The following OTUD7B variants were observed in gnomAD, a reference collection of about 807,000 sequenced individuals.
The protein encoded by OTUD7B is OTU domain-containing protein 7B.
A neutral mutation model predicts 82.2 loss-of-function variants in OTUD7B; 34 were observed. The observed-to-expected ratio is 0.41, with a 90% CI of 0.31 to 0.55. OTUD7B has a LOEUF of 0.55. Among genes scored for constraint, OTUD7B ranks in the 20% least tolerant of loss-of-function variants. The pLI is 0.20. For missense variants in OTUD7B, 944 were observed against 1,062.1 expected, an observed-to-expected ratio of 0.89 and a Z score of 1.55; for synonymous variants, 398 against 402.7, an observed-to-expected ratio of 0.99 and a Z score of 0.14.
rs1553778888 is a variant in OTUD7B, at chr1:149,977,549, G to A, written c.-39C>T. ...ACTTTCAGCCAGCTGGATGTAGGTA[G>A]AACATAGATCAAAATTCAGGCCTCC... On this transcript the variant is annotated 5_prime_UTR_variant, in exon 2 of 12. Transcript: ENST00000581312. 1 of 1,493,156 alleles carries A rather than the reference G, an allele frequency of 6.7e-7. No homozygotes were observed. Among genetic ancestry groups the A allele is most frequent in the Non-Finnish European group, 9.3e-7 (1 of 1,069,966 alleles). The allele number at this position is 1,493,156 out of a possible 1,614,324, so 92.5% of individuals were successfully genotyped here.
chr1:150,064,825 GAATT>G, the OTUD7B span, among the ~76,000 whole-genome samples: 4 of 152,098 alleles, frequency 2.6e-5, no homozygotes, highest in Non-Finnish European at 5.9e-5. Flanking sequence ...AGTAAATAGA[GAATT>G]AATAATCTAA....
chr1:149,944,488 T>C lies in OTUD7B; in HGVS notation c.1901A>G (p.Asp634Gly), dbSNP rs187776611. The stretch of plus-strand genomic sequence containing the variant: ...TTCTGCCAGGAATCTCTCCTCAGCA[T>C]CAGAAAGGTAGCGCTGGATCATTTC... Reference protein sequence around the residue: ...QEEMIQRYLSDAEERFLAEQK... With the variant: ...QEEMIQRYLSGAEERFLAEQK... The change falls in exon 12 of 12, where the codon GAT becomes GGT. Residue 634 changes from aspartate (D) to glycine (G), a missense_variant. Asp to Gly is a moderately conservative substitution (Grantham distance 94, BLOSUM62 -1). This residue lies in a region of OTUD7B where 412 missense variants were observed against 418.7 expected (regional missense o/e 0.98). Coordinates refer to ENST00000581312, the MANE Select transcript of OTUD7B (RefSeq NM_020205.4). 6.2e-7 allele frequency: 1 copy of C among 1,614,140 alleles called. No homozygotes were observed. Among genetic ancestry groups the C allele is most frequent in the Non-Finnish European group, 8.5e-7 (1 of 1,180,030 alleles).
rs148914063 is a variant in OTUD7B, at chr1:149,981,946, G to A, written c.-66-4370C>T. Among the ~76,000 whole-genome samples the A allele has an allele frequency of 5.5e-3, 836 of 152,168 alleles. 8 individuals carry two copies. Among genetic ancestry groups the A allele is most frequent in the African/African-American group, 0.019 (798 of 41,514 alleles). On this transcript the variant is annotated intron_variant, in intron 1 of 11. Transcript: ENST00000581312. Reference sequence around the variant, plus strand: ...AGGTGGATCGCAAGGTCAGGAGATCGAGACCATCCTGGCTAACACGGTGAA... The same window carrying A: ...AGGTGGATCGCAAGGTCAGGAGATCAAGACCATCCTGGCTAACACGGTGAA...
At chr1:149,980,972 G>A (rs1650681283) in intron 1 of OTUD7B, among the ~76,000 whole-genome samples, 1 of 133,786 alleles carries the variant, frequency 7.5e-6, no homozygotes, top group Non-Finnish European at 1.5e-5. Flanking sequence ...CGACAACTGT[G>A]CCCCTACTCT....
At chr1:150,016,436 T>C in the OTUD7B span, among the ~76,000 whole-genome samples, 4,143 of 131,888 alleles carry the variant, frequency 0.031, 209 homozygotes, top group African/African-American at 0.11. Context: ...ACTAATTTTC[T>C]TTCTCTTTTC....
chr1:149,959,541 T>C (rs2101791480), intron 7 of OTUD7B, 143 bp downstream of exon 7: 1 of 626,110 alleles, frequency 1.6e-6, no homozygotes, highest in East Asian at 2.7e-5. Flanking sequence ...CATATCATGT[T>C]GTTACACACT....
intron 2 of OTUD7B, among the ~76,000 whole-genome samples, chr1:149,974,546 GT>G (rs1350234450): frequency 1 from 131,994 of 132,386 alleles, 65,801 homozygotes; most frequent in South Asian, 1. Flanking sequence ...TTTTTTCTTA[GT>G]TAACTTTTTT....
Position 149,967,387 on chromosome 1 carries a change from G to T in OTUD7B, c.409C>A (p.Leu137Ile). ...TCATTGTATACAGTGAGATCTGGAAGCTGGAAGGCACAGATGGGCATTTCC... is the reference window on the plus strand; with the variant it reads ...TCATTGTATACAGTGAGATCTGGAATCTGGAAGGCACAGATGGGCATTTCC... ...PLEMPICAFQ[L>I]PDLTVYNEDF... The change falls in exon 4 of 12, where the codon CTT becomes ATT. Residue 137 changes from leucine (L) to isoleucine (I), a missense_variant. Physicochemically the swap from Leu to Ile is conservative, Grantham distance 5. Transcript: ENST00000581312. 1 of 1,614,150 alleles carries T rather than the reference G, an allele frequency of 6.2e-7. No individual in the cohort carries two copies. The highest frequency in any genetic ancestry group is 8.5e-7 in the Non-Finnish European group (1 of 1,180,002).
chr1:150,028,763 C>G, the OTUD7B span, among the ~76,000 whole-genome samples: 1 of 152,172 alleles, frequency 6.6e-6, no homozygotes, highest in Admixed American at 6.5e-5. Context: ...CTCCGCCTCC[C>G]AGGTTCAAGC....
the OTUD7B span, chr1:150,054,586 T>A: frequency 2.5e-6 from 1 of 402,018 alleles, no homozygotes; most frequent in South Asian, 1.9e-5. Flanking sequence ...AGCAGGCAAA[T>A]CACTTGAGGT....
chr1:150,011,494 T>C (rs1219097675), upstream of OTUD7B, among the ~76,000 whole-genome samples: 5 of 152,190 alleles, frequency 3.3e-5, no homozygotes, highest in Non-Finnish European at 5.9e-5. Flanking sequence ...AACTATATTA[T>C]ATGTAGCAGA....
the OTUD7B span, among the ~76,000 whole-genome samples, chr1:150,060,379 G>A: frequency 7.0e-6 from 1 of 142,286 alleles, no homozygotes; most frequent in African/African-American, 3.1e-5. Context: ...AAGAGATTAG[G>A]AGATTAGGAC....
the OTUD7B span, chr1:150,054,665 G>A: frequency 1.5e-4 from 51 of 330,516 alleles, no homozygotes; most frequent in Admixed American, 1.2e-3. Context: ...AAAATTAGCC[G>A]GGTGTGGTGG....
chr1:150,030,466 G>T, the OTUD7B span, among the ~76,000 whole-genome samples: 2 of 152,118 alleles, frequency 1.3e-5, no homozygotes, highest in Non-Finnish European at 2.9e-5. Context: ...CTTCCTCAGG[G>T]AATTTGTGCC....
In OTUD7B at chr1:149,954,157, C is replaced by T. The variant is rs140029511; in HGVS notation, c.846-3936G>A. Among the ~76,000 whole-genome samples, 582 of 152,286 alleles carry T rather than the reference C, an allele frequency of 3.8e-3. 6 individuals carry two copies. The highest frequency in any genetic ancestry group is 0.013 in the African/African-American group (552 of 41,562). On this transcript the variant is annotated intron_variant, in intron 7 of 11. Transcript: ENST00000581312. ...GAAAGGAATGCTTCCAGTTTCTGCC[C>T]ATTCAGTATGATATTGGCTGTGGGT...
At chr1:149,949,145 G>A (rs1211609848) in intron 9 of OTUD7B, 62 bp from the exon 10 acceptor site, 3 of 993,092 alleles carry the variant, frequency 3.0e-6, no homozygotes, top group African/African-American at 1.6e-5. Context: ...ACTGAACACA[G>A]ACTTATTTCA....
At chr1:150,061,747 G>A in the OTUD7B span, among the ~76,000 whole-genome samples, 279 of 152,288 alleles carry the variant, frequency 1.8e-3, no homozygotes, top group Non-Finnish European at 3.0e-3. Flanking sequence ...AATCTGCCAC[G>A]TAACTTCTGA....
At chr1:149,977,887 A>T (rs927758740) in intron 1 of OTUD7B, among the ~76,000 whole-genome samples, 12 of 152,186 alleles carry the variant, frequency 7.9e-5, no homozygotes, top group Admixed American at 6.5e-4. Flanking sequence ...GCAACAGGCT[A>T]CCACCCTAAA....
chr1:149,943,961 A>T lies in OTUD7B; in HGVS notation c.2428T>A (p.Tyr810Asn). 1 of 1,614,204 alleles carries T rather than the reference A, an allele frequency of 6.2e-7. No homozygotes were observed. The change falls in exon 12 of 12, where the codon TAT becomes AAT. Residue 810 changes from tyrosine to asparagine, a missense_variant. Around this residue, in one of 3 missense-constraint regions of OTUD7B, gnomAD observed 412 missense variants for 418.7 expected, o/e 0.98. Coordinates refer to ENST00000581312, the MANE Select transcript of OTUD7B (RefSeq NM_020205.4). ...AAGTTGTTTGTCTCAGGGTGTCCAT[A>T]GAAGCTGCAGTTCGGTTGTTTGCAT... Reference protein sequence around the residue: ...TKCKQPNCSFYGHPETNNFCS... With the variant: ...TKCKQPNCSFNGHPETNNFCS...
Sources: gnomAD v4.1 joint callset for allele counts (sites outside exome capture counted in the v4.1 genomes callset) on GRCh38, gnomAD v4.1.1 for gene constraint, gnomAD v4.1.1 regional missense constraint, MANE v1.5 for transcripts, NCBI Gene and HGNC (gene_info 2026-07-23, HGNC 2026-07-21) for gene names.